CFAP20DC: variants seen among roughly 807,000 people sequenced by gnomAD.
CFAP20DC encodes protein CFAP20DC.
CFAP20DC carries 84 observed loss-of-function variants against 101.7 expected under a neutral mutation model. That is an observed-to-expected ratio of 0.83 (90% CI 0.69 to 0.99). The LOEUF is 0.99. Among genes scored for constraint, CFAP20DC ranks in the 50% least tolerant of loss-of-function variants. CFAP20DC has a pLI of 0.00. For missense variants in CFAP20DC, 1,007 were observed against 970.3 expected (o/e 1.04, Z -0.50); for synonymous variants, 359 against 351.2 (o/e 1.02, Z -0.25).
chr3:58,870,399 G>A, intron 7 of CFAP20DC, 90 bp from the exon 8 acceptor site: 1 of 1,341,974 alleles, frequency 7.5e-7, no homozygotes, highest in Non-Finnish European at 1.1e-6. Context: ...CAGTCCAGGT[G>A]CCATAGGATC....
intron 15 of CFAP20DC, among the ~76,000 whole-genome samples, chr3:58,760,695 T>C (rs984498728): frequency 6.6e-6 from 1 of 152,178 alleles, no homozygotes; most frequent in Non-Finnish European, 1.5e-5. Flanking sequence ...TCTTATTATT[T>C]TGAGATACAT....
At chr3:59,021,130 A>G (rs2093795443) in intron 4 of CFAP20DC, among the ~76,000 whole-genome samples, 1 of 152,042 alleles carries the variant, frequency 6.6e-6, no homozygotes, top group Non-Finnish European at 1.5e-5. Flanking sequence ...GATGTTCAAT[A>G]AACCCAACCA....
At chr3:58,843,469 A>G (rs1309453529) in intron 13 of CFAP20DC, among the ~76,000 whole-genome samples, 1 of 151,322 alleles carries the variant, frequency 6.6e-6, no homozygotes, top group Non-Finnish European at 1.5e-5. Context: ...GAGAAAAAAG[A>G]ATAAAAAGAA....
At chr3:59,012,719 C>T (rs868280294) in intron 4 of CFAP20DC, among the ~76,000 whole-genome samples, 2 of 152,130 alleles carry the variant, frequency 1.3e-5, no homozygotes, top group Middle Eastern at 3.4e-3. Flanking sequence ...ACTACAGGCA[C>T]TTGAAGGGTA....
intron 14 of CFAP20DC, among the ~76,000 whole-genome samples, chr3:58,812,031 C>T (rs1357394839): frequency 6.6e-6 from 1 of 152,072 alleles, no homozygotes; most frequent in Non-Finnish European, 1.5e-5. Context: ...GTTAGAATGG[C>T]AATCATTAAA....
At chr3:58,789,859 T>C (rs1193872912) in intron 15 of CFAP20DC, among the ~76,000 whole-genome samples, 1 of 152,140 alleles carries the variant, frequency 6.6e-6, no homozygotes, top group African/African-American at 2.4e-5. Flanking sequence ...GCTACCATCA[T>C]CATAATTATT....
intron 14 of CFAP20DC, among the ~76,000 whole-genome samples, chr3:58,822,312 A>C (rs79511141): frequency 7.2e-6 from 1 of 138,392 alleles, no homozygotes; most frequent in Non-Finnish European, 1.5e-5. Flanking sequence ...AAATCATGAA[A>C]AAACAAACAA....
intron 14 of CFAP20DC, among the ~76,000 whole-genome samples, chr3:58,813,907 G>A (rs986766136): frequency 4.0e-5 from 6 of 151,876 alleles, no homozygotes. Flanking sequence ...AGAGAAATAA[G>A]ACTTTCGGCA....
At chr3:59,019,921 G>GT (rs997913861) in intron 4 of CFAP20DC, among the ~76,000 whole-genome samples, 2 of 152,026 alleles carry the variant, frequency 1.3e-5, no homozygotes, top group African/African-American at 4.8e-5. Context: ...ATATAGTAGA[G>GT]TTTTTTAAAA....
chr3:58,818,342 T>G (rs1220675722), intron 14 of CFAP20DC, among the ~76,000 whole-genome samples: 1 of 147,814 alleles, frequency 6.8e-6, no homozygotes, highest in African/African-American at 2.5e-5. Context: ...AGACACAGAC[T>G]GGCAAATTGG....
chr3:59,046,423 T>C (rs1451487262), intron 2 of CFAP20DC, 101 bp from the exon 3 acceptor site: 6 of 741,102 alleles, frequency 8.1e-6, no homozygotes, highest in Non-Finnish European at 1.1e-5. Context: ...AAATCCCATA[T>C]TCAAATAACT....
rs546040484 is a variant in CFAP20DC, at chr3:58,799,792, A to G, written c.2237+6603T>C. Among the ~76,000 whole-genome samples the G allele has an allele frequency of 8.9e-4, 135 of 151,982 alleles. No individual in the cohort carries two copies. The highest frequency in any genetic ancestry group is 3.2e-3 in the African/African-American group (131 of 41,452). ...GTAGAAAACAGACAAACAAGGAAAC[A>G]TCAGTTAGTGGAATAATGTGATGAA... On this transcript the variant is annotated intron_variant, in intron 15 of 16. Coordinates refer to ENST00000482387, the MANE Select transcript of CFAP20DC (RefSeq NM_001394063.1). This position sits in a 1 kb window ranked among gnomAD's most constrained non-coding sequence, Gnocchi z 4.9.
chr3:58,762,931 T>C (rs2069801161), intron 15 of CFAP20DC, among the ~76,000 whole-genome samples: 1 of 152,260 alleles, frequency 6.6e-6, no homozygotes, highest in Non-Finnish European at 1.5e-5. Context: ...GGGCTTCCCT[T>C]TGTGGCTAAC....
intron 6 of CFAP20DC, among the ~76,000 whole-genome samples, chr3:58,891,432 AGAGGG>A (rs2082250382): frequency 7.3e-6 from 1 of 137,052 alleles, no homozygotes; most frequent in Admixed American, 7.4e-5. Flanking sequence ...GGGGAGAGGG[AGAGGG>A]AGAGGGAGAG....
At chr3:58,735,064 T>G (rs2067720797) in intron 3 of CFAP20DC, among the ~76,000 whole-genome samples, 1 of 152,088 alleles carries the variant, frequency 6.6e-6, no homozygotes, top group Non-Finnish European at 1.5e-5. Context: ...CTAATAATAT[T>G]TAACTTAATA....
Position 58,912,641 on chromosome 3 carries a change from A to G in CFAP20DC, c.550+1067T>C. On this transcript the variant is annotated intron_variant, in intron 6 of 16. Transcript: ENST00000482387. This position sits in a 1 kb window ranked among gnomAD's most constrained non-coding sequence, Gnocchi z 4.4. ...TTTAACAAATAATAATCCCAGATGAAAATCAAAAGGAGGCATCAGTATTCT... is the reference window on the plus strand; with the variant it reads ...TTTAACAAATAATAATCCCAGATGAGAATCAAAAGGAGGCATCAGTATTCT... The G allele has an allele frequency of 2.3e-6, 1 of 428,654 alleles. No individual in the cohort carries two copies. Among genetic ancestry groups the G allele is most frequent in the South Asian group, 1.7e-5 (1 of 58,754 alleles). The allele number at this position is 428,654 out of a possible 1,614,324, so 26.6% of individuals were successfully genotyped here. A position where few individuals can be genotyped will look rare whatever the true frequency, so the allele number is the denominator to read the frequency against.
intron 4 of CFAP20DC, among the ~76,000 whole-genome samples, chr3:58,977,999 G>C (rs1276125074): frequency 2.0e-5 from 3 of 152,164 alleles, no homozygotes; most frequent in Non-Finnish European, 4.4e-5. Flanking sequence ...GAACTGAATG[G>C]GGAAAGGCAT....
At chr3:59,017,269 G>A (rs1363199466) in intron 4 of CFAP20DC, 2 of 152,104 alleles carry the variant, frequency 1.3e-5, no homozygotes, top group Non-Finnish European at 1.5e-5. Flanking sequence ...TGAGATGAAA[G>A]ATGGAGAGTG....
chr3:58,814,214 A>G (rs2074924940), intron 14 of CFAP20DC, among the ~76,000 whole-genome samples: 1 of 151,822 alleles, frequency 6.6e-6, no homozygotes, highest in Non-Finnish European at 1.5e-5. Flanking sequence ...ACTTACACCA[A>G]TGCCCAAACC....
Sources: gnomAD v4.1 joint callset for allele counts (sites outside exome capture counted in the v4.1 genomes callset) on GRCh38, gnomAD v4.1.1 for gene constraint, Gnocchi (gnomAD v3.1) non-coding constraint, MANE v1.5 for transcripts, NCBI Gene and HGNC (gene_info 2026-07-23, HGNC 2026-07-21) for gene names.